The following OLFM3 variants were observed in gnomAD, a reference collection of about 807,000 sequenced individuals.
OLFM3 encodes olfactomedin 3.
In OLFM3, 20 loss-of-function variants were observed where a neutral mutation model predicts 48.6. The observed-to-expected ratio is 0.41, with a 90% CI of 0.29 to 0.60. The LOEUF (loss-of-function observed/expected upper bound fraction) is 0.60. Ranked by LOEUF, OLFM3 falls within the 20% of genes least tolerant of loss-of-function variation. OLFM3 has a pLI of 0.28. For missense variants in OLFM3, 437 were observed against 544.3 expected (o/e 0.80, Z 1.96); for synonymous variants, 222 against 198.1 (o/e 1.12, Z -1.01).
At chr1:101,971,148 A>G (rs762664142) in intron 1 of OLFM3, among the ~76,000 whole-genome samples, 2 of 152,202 alleles carry the variant, frequency 1.3e-5, no homozygotes, top group African/African-American at 4.8e-5. Flanking sequence ...GGTATTATTA[A>G]AAATACAGTA....
At chr1:101,865,459 C>A (rs1362916686) in intron 1 of OLFM3, among the ~76,000 whole-genome samples, 2 of 152,156 alleles carry the variant, frequency 1.3e-5, no homozygotes, top group African/African-American at 4.8e-5. Context: ...TAGGCATTTA[C>A]TTCTCCTTTT....
chr1:101,977,369 C>A (rs4908210), intron 1 of OLFM3, among the ~76,000 whole-genome samples: 81,401 of 151,862 alleles, frequency 0.54, 22,157 homozygotes, highest in East Asian at 0.73. Flanking sequence ...TTCTCTTTTC[C>A]TTCAGTACTA....
chr1:101,823,402 C>A (rs1159008800), intron 4 of OLFM3, among the ~76,000 whole-genome samples: 1 of 151,904 alleles, frequency 6.6e-6, no homozygotes, highest in Admixed American at 6.6e-5. Context: ...GGTGAAAGTG[C>A]GTTGATGGAG....
intron 1 of OLFM3, among the ~76,000 whole-genome samples, chr1:101,883,882 G>A (rs1657635903): frequency 1.3e-5 from 2 of 151,326 alleles, no homozygotes; most frequent in Non-Finnish European, 2.9e-5. Flanking sequence ...AAGAGTAAAG[G>A]ACAAGACAGC....
chr1:101,885,413 T>G (rs140407963), intron 1 of OLFM3, among the ~76,000 whole-genome samples: 3,424 of 152,142 alleles, frequency 0.023, 149 homozygotes, highest in African/African-American at 0.078. Context: ...AAAGGATTGG[T>G]ACCATATGGA....
Position 101,924,049 on chromosome 1 carries a change from T to G in OLFM3, c.69+72699A>C, listed in dbSNP as rs12125726. Among the ~76,000 whole-genome samples the G allele has an allele frequency of 4.5e-4, 69 of 152,160 alleles. 2 individuals carry two copies. In the South Asian group the frequency reaches 0.011, roughly 25 times the overall value. On this transcript the variant is annotated intron_variant, in intron 1 of 5. Coordinates refer to ENST00000370103, the MANE Select transcript of OLFM3 (RefSeq NM_058170.4). ...TGTTGAGAACTGAAAATTATTCCCATTAGCTAAGAAAAAACAGAGGTAAAC... is the reference window on the plus strand; with the variant it reads ...TGTTGAGAACTGAAAATTATTCCCAGTAGCTAAGAAAAAACAGAGGTAAAC...
At chr1:101,936,834 G>A (rs1261863784) in intron 1 of OLFM3, among the ~76,000 whole-genome samples, 1 of 152,104 alleles carries the variant, frequency 6.6e-6, no homozygotes, top group African/African-American at 2.4e-5. Flanking sequence ...CTTTGACAAA[G>A]TCGACAAAAG....
chr1:101,803,992 C>CT lies in OLFM3; in HGVS notation c.*245dup, dbSNP rs200235119. On this transcript the variant is annotated 3_prime_UTR_variant, in exon 6 of 6. Coordinates refer to ENST00000370103, the MANE Select transcript of OLFM3 (RefSeq NM_058170.4). The stretch of plus-strand genomic sequence containing the variant: ...AACTATGACTTTAGCCACTTAAACT[C>CT]TTTTTTTTTTTAGTGCTTTTCATGA... 93,303 of 260,302 alleles carry CT rather than the reference C, an allele frequency of 0.36. 11,439 individuals carry two copies. The highest frequency in any genetic ancestry group is 0.51 in the East Asian group (6,939 of 13,506). 16.1% of individuals were successfully genotyped at this position (260,302 alleles called of 1,614,324 possible). A position where few individuals can be genotyped will look rare whatever the true frequency, so the allele number is the denominator to read the frequency against.
At chr1:101,840,289 A>G (rs1655653261) in intron 1 of OLFM3, among the ~76,000 whole-genome samples, 1 of 152,176 alleles carries the variant, frequency 6.6e-6, no homozygotes. Flanking sequence ...TTCGAATATT[A>G]TAATACACCT....
At position 101,833,669 on chromosome 1, in the gene OLFM3, G is replaced by A. The variant is rs115887443; in HGVS notation, c.217-2842C>T. Among the ~76,000 whole-genome samples, 821 of 151,810 alleles carry A rather than the reference G, an allele frequency of 5.4e-3. 9 individuals carry two copies. Among genetic ancestry groups the A allele is most frequent in the African/African-American group, 0.019 (789 of 41,374 alleles). On this transcript the variant is annotated intron_variant, in intron 2 of 5. Coordinates refer to ENST00000370103, the MANE Select transcript of OLFM3 (RefSeq NM_058170.4). ...TTCTTTGTATAAATAAGATATCTGG[G>A]GCTTTTCTGGACTTAAACACAAATT... is the stretch of plus-strand genomic sequence containing the variant.
chr1:101,840,733 CAG>C (rs1367257778), intron 1 of OLFM3, among the ~76,000 whole-genome samples: 1 of 152,062 alleles, frequency 6.6e-6, no homozygotes, highest in Non-Finnish European at 1.5e-5. Flanking sequence ...GGCCTCCCAA[CAG>C]AGAGTGAAAT....
chr1:101,941,993 C>A (rs973395806), intron 1 of OLFM3, among the ~76,000 whole-genome samples: 2 of 152,106 alleles, frequency 1.3e-5, no homozygotes, highest in Non-Finnish European at 2.9e-5. Flanking sequence ...ATGTTTTTAT[C>A]CCAATTTTGT....
chr1:101,813,167 AAG>A, intron 4 of OLFM3: 1 of 1,172,084 alleles, frequency 8.5e-7, no homozygotes, highest in Non-Finnish European at 1.1e-6. Context: ...AATTTAAAGA[AAG>A]AAGTTATATT....
At chr1:101,920,180 C>T (rs1659050956) in intron 1 of OLFM3, among the ~76,000 whole-genome samples, 1 of 152,162 alleles carries the variant, frequency 6.6e-6, no homozygotes, top group Admixed American at 6.5e-5. Context: ...TTTTCAAATA[C>T]AATATGCAGA....
intron 4 of OLFM3, among the ~76,000 whole-genome samples, chr1:101,816,321 T>C (rs779900236): frequency 2.0e-5 from 3 of 152,140 alleles, no homozygotes; most frequent in Non-Finnish European, 4.4e-5. Flanking sequence ...GTGCTGATGA[T>C]GGTTAAGAAA....
At chr1:101,811,910 A>C (rs1570505256) in intron 4 of OLFM3, among the ~76,000 whole-genome samples, 1 of 152,318 alleles carries the variant, frequency 6.6e-6, no homozygotes, top group African/African-American at 2.4e-5. Flanking sequence ...GGCACTATTC[A>C]CAATAGCAAA....
At chr1:101,886,267 GAA>G (rs66708360) in intron 1 of OLFM3, among the ~76,000 whole-genome samples, 3 of 149,310 alleles carry the variant, frequency 2.0e-5, no homozygotes, top group Admixed American at 6.7e-5. Context: ...ACATGGTATG[GAA>G]AAAAAAAATA....
chr1:101,829,890 A>G (rs978728229), intron 3 of OLFM3, among the ~76,000 whole-genome samples: 12 of 151,338 alleles, frequency 7.9e-5, no homozygotes, highest in Middle Eastern at 3.4e-3. Context: ...GCTGGAGTGC[A>G]GTGGCGCTGT....
At chr1:101,844,520 A>G (rs1028409939) in intron 1 of OLFM3, among the ~76,000 whole-genome samples, 12 of 152,150 alleles carry the variant, frequency 7.9e-5, no homozygotes, top group East Asian at 3.9e-4. Flanking sequence ...CATTAACCAA[A>G]TGGGGGAAAT....
Sources: gnomAD v4.1 joint callset for allele counts (sites outside exome capture counted in the v4.1 genomes callset) on GRCh38, gnomAD v4.1.1 for gene constraint, MANE v1.5 for transcripts, NCBI Gene and HGNC (gene_info 2026-07-23, HGNC 2026-07-21) for gene names.